The following KBTBD12 variants were observed in gnomAD, a reference collection of about 807,000 sequenced individuals.
The protein encoded by KBTBD12 is kelch repeat and BTB domain-containing protein 12.
A neutral mutation model predicts 58.7 loss-of-function variants in KBTBD12; 53 were observed. The observed-to-expected ratio is 0.90, with a 90% CI of 0.72 to 1.14. The LOEUF is 1.14. Among genes scored for constraint, KBTBD12 ranks in the 50% most tolerant of loss-of-function variants. KBTBD12 has a pLI of 0.00. For missense variants in KBTBD12, 704 were observed against 751.3 expected, an observed-to-expected ratio of 0.94 and a Z score of 0.74; for synonymous variants, 236 against 259.8, an observed-to-expected ratio of 0.91 and a Z score of 0.88.
chr3:127,929,404 A>G (rs1016772280), intron 3 of KBTBD12, among the ~76,000 whole-genome samples: 2 of 152,220 alleles, frequency 1.3e-5, no homozygotes, highest in African/African-American at 4.8e-5. Context: ...GGCACTCATG[A>G]ATCCTTAGCT....
At chr3:127,944,261 A>T (rs183948022) in intron 4 of KBTBD12, among the ~76,000 whole-genome samples, 3 of 152,320 alleles carry the variant, frequency 2.0e-5, no homozygotes, top group Admixed American at 1.3e-4. Flanking sequence ...TTCAATCTAT[A>T]TATCACTTTG....
At chr3:127,956,300 T>C (rs1278218130) in intron 4 of KBTBD12, among the ~76,000 whole-genome samples, 1 of 152,182 alleles carries the variant, frequency 6.6e-6, no homozygotes, top group Non-Finnish European at 1.5e-5. Context: ...ATTTTTATCA[T>C]TGATATCCCA....
intron 4 of KBTBD12, among the ~76,000 whole-genome samples, chr3:127,953,294 G>T (rs1940249090): frequency 6.6e-6 from 1 of 152,142 alleles, no homozygotes; most frequent in Non-Finnish European, 1.5e-5. Context: ...ACTGAGATGA[G>T]GTCATTCTGT....
At chr3:127,954,770 C>G (rs1940286478) in intron 4 of KBTBD12, among the ~76,000 whole-genome samples, 1 of 152,192 alleles carries the variant, frequency 6.6e-6, no homozygotes, top group African/African-American at 2.4e-5. Flanking sequence ...CCCCACAAAG[C>G]CTAGCGCCAG....
chr3:127,969,597 G>T (rs77489798), intron 5 of KBTBD12, among the ~76,000 whole-genome samples: 1 of 152,108 alleles, frequency 6.6e-6, no homozygotes, highest in African/African-American at 2.4e-5. Flanking sequence ...AAGACCATGT[G>T]GTACCAGCAT....
At chr3:127,949,610 TA>T (rs1940162684) in intron 4 of KBTBD12, among the ~76,000 whole-genome samples, 1 of 152,216 alleles carries the variant, frequency 6.6e-6, no homozygotes, top group African/African-American at 2.4e-5. Flanking sequence ...GTATTTGCCC[TA>T]AATATAGCTC....
chr3:127,972,575 A>G (rs1940704683), intron 5 of KBTBD12, among the ~76,000 whole-genome samples: 1 of 152,214 alleles, frequency 6.6e-6, no homozygotes, highest in African/African-American at 2.4e-5. Context: ...AAGTTGCTGT[A>G]TTGTTGGATG....
At chr3:127,947,319 C>G (rs1212929996) in intron 4 of KBTBD12, among the ~76,000 whole-genome samples, 1 of 152,064 alleles carries the variant, frequency 6.6e-6, no homozygotes, top group Non-Finnish European at 1.5e-5. Flanking sequence ...AAGTTGCAGC[C>G]TTAATAAGTC....
intron 5 of KBTBD12, among the ~76,000 whole-genome samples, chr3:127,966,171 C>A (rs570165909): frequency 6.6e-6 from 1 of 152,190 alleles, no homozygotes; most frequent in Non-Finnish European, 1.5e-5. Flanking sequence ...AGGTCCTCAG[C>A]CTCCTTCCCT....
At position 127,923,864 on chromosome 3, in the gene KBTBD12, G is replaced by A. The variant is rs760184393; in HGVS notation, c.803G>A (p.Arg268His). The A allele has an allele frequency of 1.2e-5, 20 of 1,613,734 alleles. No individual in the cohort carries two copies. The Admixed American group carries it at 1.8e-4, about 15-fold the overall frequency. ...KTPQQHSLNL[R>H]YGMETTSLLL... Reference sequence around the variant, plus strand: ...CCCCAACAGCACTCTCTAAATCTGCGCTATGGTATGGAGACTACCAGTCTT... The same window carrying A: ...CCCCAACAGCACTCTCTAAATCTGCACTATGGTATGGAGACTACCAGTCTT... Residue 268 changes from arginine (R) to histidine (H), a missense_variant, in exon 2 of 6, where the codon CGC (arginine) becomes CAC (histidine). Transcript: ENST00000405109.
chr3:127,965,889 A>G (rs1394833053), intron 5 of KBTBD12, among the ~76,000 whole-genome samples: 1 of 152,234 alleles, frequency 6.6e-6, no homozygotes, highest in Non-Finnish European at 1.5e-5. Context: ...AGAAAAAACA[A>G]AAAACAAACA....
intron 5 of KBTBD12, among the ~76,000 whole-genome samples, chr3:127,974,639 T>C (rs1013772218): frequency 3.3e-5 from 5 of 152,236 alleles, no homozygotes; most frequent in African/African-American, 1.2e-4. Context: ...ATCTGACCTG[T>C]TCTTTCCCCT....
chr3:127,974,854 C>CT (rs1940751772), intron 5 of KBTBD12, among the ~76,000 whole-genome samples: 1 of 152,152 alleles, frequency 6.6e-6, no homozygotes, highest in African/African-American at 2.4e-5. Flanking sequence ...TGGCGGGTGC[C>CT]TGTAGTCTCA....
At chr3:127,945,840 G>A (rs1358885126) in intron 4 of KBTBD12, among the ~76,000 whole-genome samples, 2 of 151,890 alleles carry the variant, frequency 1.3e-5, no homozygotes, top group African/African-American at 4.8e-5. Flanking sequence ...CACCATGCCT[G>A]GATAATTTTT....
Position 127,923,900 on chromosome 3 carries a change from T to C in KBTBD12, c.839T>C (p.Ile280Thr). 6 of 1,613,930 alleles carry C rather than the reference T, an allele frequency of 3.7e-6. No individual in the cohort carries two copies. Among genetic ancestry groups the C allele is most frequent in the Non-Finnish European group, 5.1e-6 (6 of 1,179,844 alleles). Residue 280 changes from isoleucine (I) to threonine (T), a missense_variant, in exon 2 of 6, where the codon ATT becomes ACT. By Grantham distance (89) the Ile-to-Thr change is moderately conservative (BLOSUM62 -1). Transcript: ENST00000405109. ...GAGACTACCAGTCTTCTGCTTTGCA[T>C]TGGCAACAATTCTTCAGGAATCAGA... ...GMETTSLLLC[I>T]GNNSSGIRSR...
chr3:127,925,829 G>T (rs1288094180), intron 2 of KBTBD12, among the ~76,000 whole-genome samples: 1 of 152,106 alleles, frequency 6.6e-6, no homozygotes, highest in African/African-American at 2.4e-5. Flanking sequence ...ACTACTGAAG[G>T]TTACTGTAGT....
At chr3:127,982,665 G>A (rs1940892659) in intron 5 of KBTBD12, among the ~76,000 whole-genome samples, 1 of 152,180 alleles carries the variant, frequency 6.6e-6, no homozygotes, top group African/African-American at 2.4e-5. Flanking sequence ...AAAATGCAGG[G>A]TATTTGCCCT....
At chr3:127,972,526 GT>G (rs1940703430) in intron 5 of KBTBD12, among the ~76,000 whole-genome samples, 1 of 152,168 alleles carries the variant, frequency 6.6e-6, no homozygotes, top group African/African-American at 2.4e-5. Context: ...AACATGTTTG[GT>G]TCCAGCCCTA....
rs748497781 is a variant in KBTBD12, at chr3:127,924,155, C to T, written c.1070+24C>T. The T allele has an allele frequency of 1.5e-5, 22 of 1,492,334 alleles. No individual in the cohort carries two copies. In the East Asian group the frequency reaches 2.0e-4, roughly 14 times the overall value. The allele number at this position is 1,492,334 out of a possible 1,614,324, so 92.4% of individuals were successfully genotyped here. On this transcript the variant is annotated intron_variant, in intron 2 of 5. Coordinates refer to ENST00000405109, the MANE Select transcript of KBTBD12 (RefSeq NM_207335.4). ...AGGTTTGTATCTAGCAGCAAATTTGCTTAATTATTTTGTTTTGATACTAGC... is the reference window on the plus strand; with the variant it reads ...AGGTTTGTATCTAGCAGCAAATTTGTTTAATTATTTTGTTTTGATACTAGC...
Sources: allele counts gnomAD v4.1 joint callset (sites outside exome capture counted in the v4.1 genomes callset), GRCh38; gene constraint gnomAD v4.1.1; transcripts MANE v1.5; gene names NCBI Gene and HGNC (gene_info 2026-07-23, HGNC 2026-07-21).